The following RARB variants were observed in gnomAD, a reference collection of about 807,000 sequenced individuals.
The protein encoded by RARB is retinoic acid receptor beta.
A neutral mutation model predicts 51.9 loss-of-function variants in RARB; 17 were observed. That is an observed-to-expected ratio of 0.33 (90% CI 0.22 to 0.49). RARB has a LOEUF of 0.49. RARB is among the 20% of genes least tolerant of loss of function. The pLI, the probability that RARB is intolerant of heterozygous loss-of-function variation, is 0.99. For missense variants in RARB, 369 were observed against 550.8 expected (o/e 0.67, Z 3.30); for synonymous variants, 215 against 195.4 (o/e 1.10, Z -0.84).
chr3:24,866,853 T>C (rs1052955517), intron 2 of RARB, among the ~76,000 whole-genome samples: 12 of 151,944 alleles, frequency 7.9e-5, no homozygotes, highest in African/African-American at 2.9e-4. Flanking sequence ...CCCCAAGGAT[T>C]TGGAAGCTAG....
chr3:25,543,998 T>G (rs1026325777), intron 3 of RARB, among the ~76,000 whole-genome samples: 1 of 152,214 alleles, frequency 6.6e-6, no homozygotes, highest in African/African-American at 2.4e-5. Context: ...GCAGCATTAT[T>G]TATGCTAGCA....
chr3:24,912,126 T>C (rs547896016), intron 2 of RARB, among the ~76,000 whole-genome samples: 9 of 152,292 alleles, frequency 5.9e-5, no homozygotes, highest in African/African-American at 2.2e-4. Context: ...GCTTAAATAT[T>C]CCTGCAGATA....
chr3:25,064,606 T>G (rs889709525), intron 3 of RARB, among the ~76,000 whole-genome samples: 2 of 152,108 alleles, frequency 1.3e-5, no homozygotes, highest in African/African-American at 4.8e-5. Context: ...CCAGTGCTAT[T>G]GTGAAATGTA....
intron 2 of RARB, among the ~76,000 whole-genome samples, chr3:24,974,316 C>T (rs149934507): frequency 3.0e-4 from 45 of 152,084 alleles, no homozygotes; most frequent in African/African-American, 1.0e-3. Flanking sequence ...TTTTTAAACG[C>T]ATTGTTGAAT....
intron 2 of RARB, among the ~76,000 whole-genome samples, chr3:24,877,203 A>G (rs962110432): frequency 5.3e-5 from 8 of 152,194 alleles, no homozygotes; most frequent in Admixed American, 6.5e-5. Context: ...TAGCTGCACA[A>G]TGATTCATAG....
rs71622787 is a variant in RARB at position 24,912,972 on chromosome 3, A to ATTTTTTTT, written c.-380+54222_-380+54223insTTTTTTTT. 1.5e-3 allele frequency among the ~76,000 whole-genome samples: 89 copies of ATTTTTTTT among 57,576 alleles called. 7 individuals carry two copies. Among genetic ancestry groups the ATTTTTTTT allele is most frequent in the African/African-American group, 3.7e-3 (68 of 18,364 alleles). 37.8% of individuals were successfully genotyped at this position (57,576 alleles called of 152,430 possible). A position where few individuals can be genotyped will look rare whatever the true frequency, so the allele number is the denominator to read the frequency against. On this transcript the variant is annotated intron_variant, in intron 2 of 11. Coordinates refer to the RARB transcript ENST00000383772. The stretch of plus-strand genomic sequence containing the variant: ...GTGGCAATACGCACACAAGGTACTG[A>ATTTTTTTT]TTCTTTTTTTTTTTTTTTTTTTTTT...
At chr3:24,881,355 A>C (rs1399951703) in intron 2 of RARB, among the ~76,000 whole-genome samples, 2 of 152,188 alleles carry the variant, frequency 1.3e-5, no homozygotes, top group African/African-American at 4.8e-5. Flanking sequence ...AAAATTTTTG[A>C]TAACTGCTGA....
At chr3:25,139,185 C>T (rs1196584532) in intron 4 of RARB, among the ~76,000 whole-genome samples, 3 of 151,998 alleles carry the variant, frequency 2.0e-5, no homozygotes, top group Non-Finnish European at 4.4e-5. Context: ...GATTAATAAC[C>T]CTACAATAGC....
rs386396163 is a variant in RARB at position 24,912,975 on chromosome 3, C to CTTTTTTTTTTTTTT, written c.-380+54232_-380+54245dup. On this transcript the variant is annotated intron_variant, in intron 2 of 11. Coordinates refer to the RARB transcript ENST00000383772. Reference sequence around the variant, plus strand: ...GCAATACGCACACAAGGTACTGATTCTTTTTTTTTTTTTTTTTTTTTTGGA... The same window carrying CTTTTTTTTTTTTTT: ...GCAATACGCACACAAGGTACTGATTCTTTTTTTTTTTTTTTTTTTTTTTTTTTTTTTTTTTTGGA... Among the ~76,000 whole-genome samples, 98 of 75,038 alleles carry CTTTTTTTTTTTTTT rather than the reference C, an allele frequency of 1.3e-3. 21 individuals carry two copies. The highest frequency in any genetic ancestry group is 1.7e-3 in the Non-Finnish European group (67 of 38,982). The allele number at this position is 75,038 out of a possible 152,430, so 49.2% of individuals were successfully genotyped here. A position where few individuals can be genotyped will look rare whatever the true frequency, so the allele number is the denominator to read the frequency against.
chr3:25,537,849 C>T (rs1699208387), intron 3 of RARB, among the ~76,000 whole-genome samples: 1 of 152,170 alleles, frequency 6.6e-6, no homozygotes, highest in Non-Finnish European at 1.5e-5. Context: ...TCTTTTCTCT[C>T]CTCACAGACA....
intron 2 of RARB, among the ~76,000 whole-genome samples, chr3:24,867,685 A>C (rs1702877012): frequency 6.6e-6 from 1 of 152,106 alleles, no homozygotes; most frequent in South Asian, 2.1e-4. Context: ...TCAGTGTTGA[A>C]GCAACTCAGA....
chr3:25,485,191 A>G (rs1023209231), intron 2 of RARB, among the ~76,000 whole-genome samples: 1 of 152,236 alleles, frequency 6.6e-6, no homozygotes, highest in African/African-American at 2.4e-5. Flanking sequence ...AAGCACAGTA[A>G]TATCAGAAAA....
chr3:25,182,215 G>T (rs1700876375), intron 5 of RARB, among the ~76,000 whole-genome samples: 1 of 152,172 alleles, frequency 6.6e-6, no homozygotes, highest in South Asian at 2.1e-4. Flanking sequence ...ATACATGAAT[G>T]AATTAGTGAA....
chr3:25,580,204 C>T (rs550734232), intron 4 of RARB, among the ~76,000 whole-genome samples: 1 of 152,162 alleles, frequency 6.6e-6, no homozygotes, highest in Non-Finnish European at 1.5e-5. Flanking sequence ...GAAACCCTGG[C>T]TCTGCTAAAA....
At chr3:25,162,560 A>T (rs554150532) in intron 4 of RARB, among the ~76,000 whole-genome samples, 1 of 152,254 alleles carries the variant, frequency 6.6e-6, no homozygotes, top group South Asian at 2.1e-4. Context: ...GGAACTCCAC[A>T]CTCATTAGCA....
At chr3:24,831,670 C>A (rs923733656) in intron 1 of RARB, among the ~76,000 whole-genome samples, 3 of 151,314 alleles carry the variant, frequency 2.0e-5, no homozygotes, top group Middle Eastern at 3.4e-3. Flanking sequence ...GTAATTCTTA[C>A]CTAAAGCATG....
intron 5 of RARB, among the ~76,000 whole-genome samples, chr3:25,285,347 G>A (rs1350478915): frequency 6.6e-6 from 1 of 152,192 alleles, no homozygotes; most frequent in African/African-American, 2.4e-5. Flanking sequence ...TTGTTGGGAA[G>A]GCTCATTGTT....
chr3:25,086,056 T>G (rs1699098783), intron 3 of RARB, among the ~76,000 whole-genome samples: 1 of 152,182 alleles, frequency 6.6e-6, no homozygotes, highest in African/African-American at 2.4e-5. Context: ...TTAGTTAATG[T>G]GGTCACTATG....
chr3:25,190,485 G>C (rs1202764373), intron 5 of RARB, among the ~76,000 whole-genome samples: 1 of 152,072 alleles, frequency 6.6e-6, no homozygotes, highest in Non-Finnish European at 1.5e-5. Context: ...GAGCACTCCA[G>C]GAGATGTTTA....
Sources: allele counts gnomAD v4.1 joint callset (sites outside exome capture counted in the v4.1 genomes callset), GRCh38; gene constraint gnomAD v4.1.1; transcripts MANE v1.5; gene names NCBI Gene and HGNC (gene_info 2026-07-23, HGNC 2026-07-21).